Variants in DSCAML1 observed in about 807,000 individuals in gnomAD.
DSCAML1 encodes DS cell adhesion molecule like 1.
DSCAML1 carries 38 observed loss-of-function variants against 200.5 expected under a neutral mutation model. That is an observed-to-expected ratio of 0.19 (90% CI 0.15 to 0.25). The LOEUF (loss-of-function observed/expected upper bound fraction) is 0.25. Ranked by LOEUF, DSCAML1 falls within the 10% of genes least tolerant of loss-of-function variation. DSCAML1 has a pLI of 1.00. For synonymous variants in DSCAML1, 1,215 were observed against 1,165.0 expected (o/e 1.04, Z -0.87); for missense variants, 2,223 against 2,858.8 (o/e 0.78, Z 5.07).
At chr11:117,676,354 G>C (rs2053212146) in intron 3 of DSCAML1, among the ~76,000 whole-genome samples, 1 of 152,182 alleles carries the variant, frequency 6.6e-6, no homozygotes, top group South Asian at 2.1e-4. Context: ...CAGGGCTAGG[G>C]AGATTCTTCT....
At chr11:117,789,815 T>G (rs887148764) in intron 1 of DSCAML1, among the ~76,000 whole-genome samples, 1 of 152,072 alleles carries the variant, frequency 6.6e-6, no homozygotes, top group East Asian at 1.9e-4. Context: ...TTTGACTCAT[T>G]CTAAGGATGA....
At chr11:117,817,468 G>A (rs2055821233) in exon 1 of DSCAML1, 1 of 152,260 alleles carries the variant, frequency 6.6e-6, no homozygotes, top group Non-Finnish European at 1.5e-5. Context: ...TGCCCCATCA[G>A]TTGAATCAGA....
At chr11:117,795,999 G>T (rs111578166) in intron 1 of DSCAML1, among the ~76,000 whole-genome samples, 34,582 of 152,118 alleles carry the variant, frequency 0.23, 4,514 homozygotes, top group Non-Finnish European at 0.3. Context: ...GCTCCACCAC[G>T]CAAGGGCGCG....
In DSCAML1 at chr11:117,674,708, C is replaced by T. The variant is rs187850457; in HGVS notation, c.511+102083G>A. On this transcript the variant is annotated intron_variant, in intron 3 of 32. Coordinates refer to ENST00000651296, the MANE Select transcript of DSCAML1 (RefSeq NM_020693.4). The stretch of plus-strand genomic sequence containing the variant: ...AGAGGCAATTCCATCGTGGGAGGGC[C>T]GAGTGGTCCAAGCGGAAGAATATCC... Among the ~76,000 whole-genome samples, 117 of 152,188 alleles carry T rather than the reference C, an allele frequency of 7.7e-4. 1 individual carries two copies. Among genetic ancestry groups the T allele is most frequent in the Admixed American group, 1.6e-3 (24 of 15,294 alleles).
intron 16 of DSCAML1, among the ~76,000 whole-genome samples, chr11:117,468,306 TAA>T (rs35703349): frequency 2.7e-5 from 4 of 149,358 alleles, no homozygotes; most frequent in East Asian, 1.9e-4. Flanking sequence ...TTCTCAATGT[TAA>T]AAAAAAAAAT....
intron 17 of DSCAML1, among the ~76,000 whole-genome samples, 162 bp from the exon 18 acceptor site, chr11:117,461,758 G>T (rs1055199723): frequency 6.6e-6 from 1 of 152,220 alleles, no homozygotes; most frequent in African/African-American, 2.4e-5. Flanking sequence ...GTTGGGGCAG[G>T]GAGGCTGGGA....
intron 11 of DSCAML1, among the ~76,000 whole-genome samples, chr11:117,486,049 G>A (rs577341281): frequency 2.0e-5 from 3 of 152,362 alleles, no homozygotes; most frequent in South Asian, 2.1e-4. Flanking sequence ...TACCTCACAT[G>A]TACAAGTGGC....
chr11:117,787,705 G>A (rs2055384279), intron 1 of DSCAML1, among the ~76,000 whole-genome samples: 1 of 152,138 alleles, frequency 6.6e-6, no homozygotes, highest in Non-Finnish European at 1.5e-5. Context: ...AACTTAATTT[G>A]GAGATCAAGA....
At chr11:117,552,275 G>T (rs1299725819) in intron 3 of DSCAML1, among the ~76,000 whole-genome samples, 1 of 152,096 alleles carries the variant, frequency 6.6e-6, no homozygotes, top group Non-Finnish European at 1.5e-5. Flanking sequence ...CAGGTGCCTT[G>T]ACTCTCCTGC....
chr11:117,464,156 CG>C (rs200287928), intron 17 of DSCAML1, among the ~76,000 whole-genome samples: 1,987 of 152,130 alleles, frequency 0.013, 40 homozygotes, highest in South Asian at 0.017. Flanking sequence ...GGCTCTGACT[CG>C]GGGGGCTTTG....
At chr11:117,767,674 A>G (rs771333570) in intron 3 of DSCAML1, among the ~76,000 whole-genome samples, 11 of 152,140 alleles carry the variant, frequency 7.2e-5, no homozygotes, top group Non-Finnish European at 1.3e-4. Context: ...GGGAAACAGT[A>G]ATTGCTGGGA....
At chr11:117,696,083 G>A (rs1478364208) in intron 3 of DSCAML1, among the ~76,000 whole-genome samples, 2 of 152,232 alleles carry the variant, frequency 1.3e-5, no homozygotes, top group Non-Finnish European at 2.9e-5. Flanking sequence ...CACGGTGAAA[G>A]CTGAAGGAAA....
intron 3 of DSCAML1, among the ~76,000 whole-genome samples, chr11:117,547,272 G>A (rs753443693): frequency 6.6e-6 from 1 of 152,134 alleles, no homozygotes; most frequent in Non-Finnish European, 1.5e-5. Flanking sequence ...CTCACTCCAT[G>A]TGTCAGATGC....
intron 3 of DSCAML1, among the ~76,000 whole-genome samples, chr11:117,577,489 CCTTCCTT>C (rs2050960497): frequency 4.3e-5 from 1 of 22,998 alleles, no homozygotes; most frequent in African/African-American, 1.2e-4. Context: ...TTCCTTCCTT[CCTTCCTT>C]CCTTCCTTCC....
At chr11:117,487,286 T>C (rs189334256) in intron 11 of DSCAML1, among the ~76,000 whole-genome samples, 1 of 152,264 alleles carries the variant, frequency 6.6e-6, no homozygotes, top group African/African-American at 2.4e-5. Flanking sequence ...AAATAGAATA[T>C]ACTATTATAA....
At chr11:117,753,956 G>T (rs1306145295) in intron 3 of DSCAML1, among the ~76,000 whole-genome samples, 1 of 152,224 alleles carries the variant, frequency 6.6e-6, no homozygotes, top group South Asian at 2.1e-4. Flanking sequence ...AGCAGGCATT[G>T]CTTGCAAAGG....
rs149155619 is a variant in DSCAML1 at position 117,641,387 on chromosome 11, G to A, written c.512-108865C>T. Reference sequence around the variant, plus strand: ...TCTGCGATCACATTAGTGCAAGGATGTCTCTTATGGTTAGTTGCCTGCATC... The same window carrying A: ...TCTGCGATCACATTAGTGCAAGGATATCTCTTATGGTTAGTTGCCTGCATC... On this transcript the variant is annotated intron_variant, in intron 3 of 32. Coordinates refer to ENST00000651296, the MANE Select transcript of DSCAML1 (RefSeq NM_020693.4). Among the ~76,000 whole-genome samples, 609 of 152,346 alleles carry A rather than the reference G, an allele frequency of 4.0e-3. 3 individuals carry two copies. Among genetic ancestry groups the A allele is most frequent in the African/African-American group, 0.014 (580 of 41,582 alleles).
At chr11:117,533,987 A>G (rs764131469) in intron 3 of DSCAML1, among the ~76,000 whole-genome samples, 1 of 152,164 alleles carries the variant, frequency 6.6e-6, no homozygotes, top group Non-Finnish European at 1.5e-5. Flanking sequence ...CAGGATACTG[A>G]TAGTGACTTC....
intron 1 of DSCAML1, among the ~76,000 whole-genome samples, chr11:117,816,790 G>A (rs560315025): frequency 1.2e-4 from 13 of 104,442 alleles, no homozygotes; most frequent in Admixed American, 3.2e-4. Context: ...GAGAGAGTTC[G>A]GAATTGCTGG....
Sources: allele counts gnomAD v4.1 joint callset (sites outside exome capture counted in the v4.1 genomes callset), GRCh38; gene constraint gnomAD v4.1.1; transcripts MANE v1.5; gene names NCBI Gene and HGNC (gene_info 2026-07-23, HGNC 2026-07-21).